TTC17: variants seen among roughly 807,000 people sequenced by gnomAD.
TTC17 encodes the protein tetratricopeptide repeat protein 17.
TTC17 carries 58 observed loss-of-function variants against 143.8 expected under a neutral mutation model. The observed-to-expected ratio is 0.40, with a 90% CI of 0.33 to 0.50. The LOEUF is 0.50. Among genes scored for constraint, TTC17 ranks in the 20% least tolerant of loss-of-function variants. The pLI, the probability that TTC17 is intolerant of heterozygous loss-of-function variation, is 0.49. For missense variants in TTC17, 1,273 were observed against 1,392.5 expected, an observed-to-expected ratio of 0.91 and a Z score of 1.37; for synonymous variants, 501 against 497.8, an observed-to-expected ratio of 1.01 and a Z score of -0.09.
At chr11:43,426,694 T>TA (rs1290950547) in intron 16 of TTC17, among the ~76,000 whole-genome samples, 1 of 152,206 alleles carries the variant, frequency 6.6e-6, no homozygotes, top group Non-Finnish European at 1.5e-5. Flanking sequence ...TATGAGGTAT[T>TA]ACTAGACTCA....
At chr11:43,398,221 C>A (rs956645836) in intron 8 of TTC17, 108 bp downstream of exon 8, 5 of 1,370,450 alleles carry the variant, frequency 3.6e-6, no homozygotes, top group Non-Finnish European at 4.0e-6. Flanking sequence ...AAGAAAGAAA[C>A]CTCTTCACTA....
intron 22 of TTC17, 23 bp downstream of exon 22, chr11:43,490,381 G>T: frequency 6.3e-7 from 1 of 1,584,426 alleles, no homozygotes. Context: ...CAGAAGGTGG[G>T]AACTTCTGCC....
intron 1 of TTC17, among the ~76,000 whole-genome samples, chr11:43,363,383 A>G (rs903550): frequency 0.58 from 88,073 of 152,046 alleles, 26,712 homozygotes; most frequent in African/African-American, 0.74. Context: ...TGAAAAAAAT[A>G]TATGTTCCAT....
intron 5 of TTC17, among the ~76,000 whole-genome samples, chr11:43,394,875 A>C (rs926848106): frequency 6.6e-6 from 1 of 152,168 alleles, no homozygotes; most frequent in Non-Finnish European, 1.5e-5. Context: ...AAAAAAGACC[A>C]GAAAGGGTAT....
At chr11:43,394,746 A>G (rs1857515276) in intron 5 of TTC17, among the ~76,000 whole-genome samples, 1 of 152,126 alleles carries the variant, frequency 6.6e-6, no homozygotes, top group South Asian at 2.1e-4. Context: ...TAAATAATGA[A>G]TATCTGAAGC....
At chr11:43,386,421 ATAAC>A (rs1044244025) in intron 2 of TTC17, among the ~76,000 whole-genome samples, 5 of 152,244 alleles carry the variant, frequency 3.3e-5, no homozygotes, top group African/African-American at 4.8e-5. Flanking sequence ...AAGTATTTGT[ATAAC>A]TAAGCATAAA....
At chr11:43,420,977 C>CTTCATTCA (rs968992707) in intron 16 of TTC17, among the ~76,000 whole-genome samples, 1 of 152,036 alleles carries the variant, frequency 6.6e-6, no homozygotes, top group African/African-American at 2.4e-5. Flanking sequence ...GTGGTTTATT[C>CTTCATTCA]TTCATTCATT....
At chr11:43,395,856 A>G (rs143096433) in intron 5 of TTC17, among the ~76,000 whole-genome samples, 215 of 152,308 alleles carry the variant, frequency 1.4e-3, no homozygotes, top group Admixed American at 0.013. Flanking sequence ...GGTTTGTAAT[A>G]TATTCTTTTG....
chr11:43,440,610 A>G (rs1947394557), intron 16 of TTC17, among the ~76,000 whole-genome samples: 1 of 152,068 alleles, frequency 6.6e-6, no homozygotes, highest in Non-Finnish European at 1.5e-5. Context: ...ATTATTCAAT[A>G]CCTTTCTAAT....
chr11:43,433,279 G>A (rs924072197), intron 16 of TTC17, among the ~76,000 whole-genome samples: 1 of 152,168 alleles, frequency 6.6e-6, no homozygotes, highest in Non-Finnish European at 1.5e-5. Context: ...AATTACAGGC[G>A]TGAGCCACCG....
rs183298174 is a variant in TTC17 at position 43,457,783 on chromosome 11, T to C, written c.3030+6518T>C. On this transcript the variant is annotated intron_variant, in intron 21 of 23. Transcript: ENST00000039989. ...CAGAACCACAGAGAAAATAAGGGAGTGTGGGGATTGATAAGAGCATAAGAA... is the reference window on the plus strand; with the variant it reads ...CAGAACCACAGAGAAAATAAGGGAGCGTGGGGATTGATAAGAGCATAAGAA... 4.9e-4 allele frequency among the ~76,000 whole-genome samples: 64 copies of C among 131,012 alleles called. No homozygotes were observed. In the East Asian group the frequency reaches 0.013, roughly 28 times the overall value. The allele number at this position is 131,012 out of a possible 152,430, so 85.9% of individuals were successfully genotyped here. A position where few individuals can be genotyped will look rare whatever the true frequency, so the allele number is the denominator to read the frequency against.
chr11:43,375,345 A>T (rs973124582), intron 1 of TTC17, among the ~76,000 whole-genome samples: 3 of 152,216 alleles, frequency 2.0e-5, no homozygotes, highest in African/African-American at 7.2e-5. Context: ...ACTTATGGAT[A>T]TTGGATAGCA....
At chr11:43,418,646 A>T (rs1035073899) in intron 16 of TTC17, among the ~76,000 whole-genome samples, 2 of 150,210 alleles carry the variant, frequency 1.3e-5, no homozygotes, top group Non-Finnish European at 2.9e-5. Context: ...CTCAACACTT[A>T]AAAAAAACAG....
At chr11:43,400,182 A>G (rs1299110624) in intron 9 of TTC17, 134 bp downstream of exon 9, 3 of 1,010,590 alleles carry the variant, frequency 3.0e-6, no homozygotes, top group East Asian at 2.7e-5. Flanking sequence ...CGAAAGCATG[A>G]TTCATCACTG....
At chr11:43,407,249 A>T in intron 14 of TTC17, 34 bp downstream of exon 14, 1 of 1,558,002 alleles carries the variant, frequency 6.4e-7, no homozygotes, top group Non-Finnish European at 8.7e-7. Flanking sequence ...TAAAACTTAA[A>T]TGCTTCTTAA....
At chr11:43,484,963 T>A (rs549556363) in intron 21 of TTC17, among the ~76,000 whole-genome samples, 1 of 152,078 alleles carries the variant, frequency 6.6e-6, no homozygotes, top group East Asian at 1.9e-4. Flanking sequence ...GAGAATCTAA[T>A]GCCTGATGAT....
rs373226825 is a variant in TTC17, at chr11:43,401,491, A to G, written c.1265A>G (p.His422Arg). 6.2e-7 allele frequency: 1 copy of G among 1,613,700 alleles called. No individual in the cohort carries two copies. Among genetic ancestry groups the G allele is most frequent in the Non-Finnish European group, 8.5e-7 (1 of 1,179,894 alleles). Residue 422 changes from histidine to arginine, a missense_variant, in exon 10 of 24, where the codon CAT becomes CGT. Physicochemically the swap from His to Arg is conservative, Grantham distance 29. Transcript: ENST00000039989. Reference protein sequence around the residue: ...CRLVNQQHSLHCQWDQPVRYH... With the variant: ...CRLVNQQHSLRCQWDQPVRYH... ...CTGGTCAACCAGCAGCATAGTTTAC[A>G]TTGCCAGTGGGACCAGCCTGTACGC... is the stretch of plus-strand genomic sequence containing the variant.
chr11:43,394,721 A>G (rs1175905981), intron 5 of TTC17, among the ~76,000 whole-genome samples: 1 of 152,194 alleles, frequency 6.6e-6, no homozygotes, highest in Non-Finnish European at 1.5e-5. Context: ...AGTTGGGCAC[A>G]TAGAGATTAA....
At chr11:43,438,504 C>G (rs1440821991) in intron 16 of TTC17, among the ~76,000 whole-genome samples, 1 of 152,160 alleles carries the variant, frequency 6.6e-6, no homozygotes, top group Non-Finnish European at 1.5e-5. Flanking sequence ...TACTCTTTCT[C>G]TTTTGTGAGA....
Sources: gnomAD v4.1 joint callset for allele counts (sites outside exome capture counted in the v4.1 genomes callset) on GRCh38, gnomAD v4.1.1 for gene constraint, MANE v1.5 for transcripts, NCBI Gene and HGNC (gene_info 2026-07-23, HGNC 2026-07-21) for gene names.